The following VPS35L variants were observed in gnomAD, a reference collection of about 807,000 sequenced individuals.
VPS35L encodes the protein VPS35 endosomal protein sorting factor like.
In VPS35L, 83 loss-of-function variants were observed where a neutral mutation model predicts 133.0. The observed-to-expected ratio is 0.62, with a 90% CI of 0.52 to 0.75. The LOEUF (loss-of-function observed/expected upper bound fraction) is 0.75. Ranked by LOEUF, VPS35L falls within the 30% of genes least tolerant of loss-of-function variation. The pLI, the probability that VPS35L is intolerant of heterozygous loss-of-function variation, is 0.00. For missense variants in VPS35L, 1,083 were observed against 1,206.8 expected, an observed-to-expected ratio of 0.90 and a Z score of 1.52; for synonymous variants, 423 against 449.9, an observed-to-expected ratio of 0.94 and a Z score of 0.76.
chr16:19,666,790 G>C (rs1015007690), intron 26 of VPS35L, among the ~76,000 whole-genome samples: 1 of 152,118 alleles, frequency 6.6e-6, no homozygotes, highest in Non-Finnish European at 1.5e-5. Context: ...ACTTCACTGT[G>C]GGACTGCCGG....
At chr16:19,570,397 C>G (rs925901587) in intron 3 of VPS35L, among the ~76,000 whole-genome samples, 3 of 152,082 alleles carry the variant, frequency 2.0e-5, no homozygotes, top group African/African-American at 7.2e-5. Context: ...TTTTATTCTT[C>G]TTATAAATCT....
chr16:19,688,239 T>C (rs1975531976), intron 28 of VPS35L, among the ~76,000 whole-genome samples: 1 of 152,074 alleles, frequency 6.6e-6, no homozygotes, highest in Non-Finnish European at 1.5e-5. Context: ...CTCGTGCTGT[T>C]TGTCCCTCGT....
intron 29 of VPS35L, among the ~76,000 whole-genome samples, chr16:19,693,106 C>G (rs1446449369): frequency 1.3e-5 from 2 of 152,162 alleles, no homozygotes; most frequent in Non-Finnish European, 2.9e-5. Context: ...AGCTGCAGTA[C>G]CAGAACTCTG....
At chr16:19,569,293 C>A in intron 2 of VPS35L, 131 bp from the exon 3 acceptor site, 2 of 994,576 alleles carry the variant, frequency 2.0e-6, no homozygotes, top group Non-Finnish European at 3.2e-6. Flanking sequence ...GCATCCCCTG[C>A]AGATGGTTAA....
At chr16:19,641,264 G>T (rs143673692) in intron 21 of VPS35L, among the ~76,000 whole-genome samples, 2 of 151,476 alleles carry the variant, frequency 1.3e-5, no homozygotes, top group Non-Finnish European at 2.9e-5. Context: ...ACAGGGTTTC[G>T]CCATGGTGGC....
rs1264983172 is a variant in VPS35L, at chr16:19,639,915, C to CTGT, written c.1699-98_1699-96dup. On this transcript the variant is annotated intron_variant, in intron 20 of 30. Transcript: ENST00000417362. The surrounding 1 kb of genome is among the most constrained non-coding windows in gnomAD (Gnocchi z 4.1). The stretch of plus-strand genomic sequence containing the variant: ...TGACCCGACTCAGAGAGATGAACCT[C>CTGT]TGTTCTGCTTCTTTGAACTCCACAG... 7 of 993,804 alleles carry CTGT rather than the reference C, an allele frequency of 7.0e-6. No homozygotes were observed. Among genetic ancestry groups the CTGT allele is most frequent in the African/African-American group, 4.8e-5 (3 of 61,894 alleles). 61.6% of individuals were successfully genotyped at this position (993,804 alleles called of 1,614,324 possible).
chr16:19,675,432 A>G (rs1975031892), intron 27 of VPS35L, among the ~76,000 whole-genome samples: 1 of 152,190 alleles, frequency 6.6e-6, no homozygotes, highest in Non-Finnish European at 1.5e-5. Flanking sequence ...TGCAATGAGC[A>G]TGGGAGTGTA....
Position 19,591,812 on chromosome 16 carries a change from C to A in VPS35L, c.662C>A (p.Thr221Asn). ...VIQCSKLLSD[T>N]SVIQFYPSKF... is the part of the protein sequence containing the mutation. Reference sequence around the variant, plus strand: ...TAGTGTTCAAAGCTTCTTTCAGACACCAGTGTTATTCAGTTCTACCCAAGC... The same window carrying A: ...TAGTGTTCAAAGCTTCTTTCAGACAACAGTGTTATTCAGTTCTACCCAAGC... The change falls in exon 8 of 31, where the codon ACC becomes AAC. Residue 221 changes from threonine to asparagine, a missense_variant. Physicochemically the swap from Thr to Asn is moderately conservative, Grantham distance 65. Transcript: ENST00000417362. The A allele has an allele frequency of 6.2e-7, 1 of 1,612,648 alleles. No homozygotes were observed.
intron 30 of VPS35L, 63 bp from the exon 31 acceptor site, chr16:19,700,315 T>C: frequency 7.0e-7 from 1 of 1,426,040 alleles, no homozygotes; most frequent in Non-Finnish European, 9.9e-7. Flanking sequence ...GCTGATTCAT[T>C]AGAGCCTTGG....
chr16:19,576,776 G>A (rs1293885535), intron 5 of VPS35L, among the ~76,000 whole-genome samples: 1 of 151,006 alleles, frequency 6.6e-6, no homozygotes, highest in African/African-American at 2.4e-5. Flanking sequence ...TGTCACCCAT[G>A]GTGCAGTGCA....
intron 7 of VPS35L, among the ~76,000 whole-genome samples, chr16:19,584,671 C>T (rs1971811379): frequency 6.7e-6 from 1 of 149,056 alleles, no homozygotes. Context: ...GTATTCTTAT[C>T]AGCATTTTTT....
intron 14 of VPS35L, among the ~76,000 whole-genome samples, chr16:19,620,765 A>G (rs1973052107): frequency 6.6e-6 from 1 of 152,178 alleles, no homozygotes; most frequent in South Asian, 2.1e-4. Flanking sequence ...AGCCTGGCCA[A>G]CATGGCGAAA....
chr16:19,572,145 C>T (rs554506826), intron 3 of VPS35L, among the ~76,000 whole-genome samples: 99 of 152,180 alleles, frequency 6.5e-4, no homozygotes, highest in Admixed American at 6.4e-3. Flanking sequence ...GTTGGCCAGG[C>T]GCAGTGGGTC....
At chr16:19,653,437 G>A (rs1974197925) in intron 26 of VPS35L, among the ~76,000 whole-genome samples, 1 of 152,252 alleles carries the variant, frequency 6.6e-6, no homozygotes, top group African/African-American at 2.4e-5. Context: ...GGCCGGTGCT[G>A]TGGCTGGTGC....
intron 24 of VPS35L, among the ~76,000 whole-genome samples, chr16:19,649,202 G>C (rs1294402886): frequency 6.6e-6 from 1 of 152,012 alleles, no homozygotes; most frequent in East Asian, 1.9e-4. Flanking sequence ...TGTTGGCCAG[G>C]CTGGTCTTGA....
At chr16:19,595,039 C>G (rs1321505044) in intron 8 of VPS35L, among the ~76,000 whole-genome samples, 1 of 152,034 alleles carries the variant, frequency 6.6e-6, no homozygotes, top group Non-Finnish European at 1.5e-5. Flanking sequence ...GCCTGAGAAC[C>G]AAGGAGGCCA....
chr16:19,583,880 C>T (rs1236145953), intron 7 of VPS35L, among the ~76,000 whole-genome samples: 1 of 152,186 alleles, frequency 6.6e-6, no homozygotes, highest in Non-Finnish European at 1.5e-5. Flanking sequence ...CCCTACCCTT[C>T]CCAGCCTCTA....
At chr16:19,691,527 A>G (rs1331684514) in intron 29 of VPS35L, 56 bp downstream of exon 29, 3 of 1,434,080 alleles carry the variant, frequency 2.1e-6, no homozygotes, top group Middle Eastern at 1.7e-4. Context: ...ACAAGTTTCC[A>G]GGGTGGTTCA....
chr16:19,640,378 A>G (rs1190977172), intron 21 of VPS35L, among the ~76,000 whole-genome samples: 1 of 152,248 alleles, frequency 6.6e-6, no homozygotes, highest in East Asian at 1.9e-4. Flanking sequence ...AAAGTTTGTC[A>G]TTCGTGTTTA....
Sources: gnomAD v4.1 joint callset for allele counts (sites outside exome capture counted in the v4.1 genomes callset) on GRCh38, gnomAD v4.1.1 for gene constraint, Gnocchi (gnomAD v3.1) non-coding constraint, MANE v1.5 for transcripts, NCBI Gene and HGNC (gene_info 2026-07-23, HGNC 2026-07-21) for gene names.